The following ARHGAP10 variants were observed in gnomAD, a reference collection of about 807,000 sequenced individuals.
ARHGAP10 encodes rho GTPase-activating protein 10.
Under a neutral mutation model 108.6 loss-of-function variants are expected in ARHGAP10, and 87 were observed. The observed-to-expected ratio is 0.80, with a 90% confidence interval of 0.67 to 0.96. The LOEUF (loss-of-function observed/expected upper bound fraction) is 0.96. Among genes scored for constraint, ARHGAP10 ranks in the 40% least tolerant of loss-of-function variants. The pLI is 0.00. For missense variants in ARHGAP10, 939 were observed against 954.5 expected, an observed-to-expected ratio of 0.98 and a Z score of 0.21; for synonymous variants, 347 against 341.1, an observed-to-expected ratio of 1.02 and a Z score of -0.19.
intron 1 of ARHGAP10, among the ~76,000 whole-genome samples, chr4:147,766,617 T>C (rs568443994): frequency 2.9e-5 from 4 of 138,618 alleles, no homozygotes; most frequent in South Asian, 5.4e-4. Flanking sequence ...TATGTGTATG[T>C]ATACACATAT....
At chr4:148,009,357 CCTGACCTCAAGTGAT>C (rs1196627806) in intron 18 of ARHGAP10, among the ~76,000 whole-genome samples, 7 of 152,160 alleles carry the variant, frequency 4.6e-5, no homozygotes, top group Admixed American at 2.0e-4. Flanking sequence ...GTCTCCAACT[CCTGACCTCAAGTGAT>C]CTGCCCACCT....
intron 19 of ARHGAP10, among the ~76,000 whole-genome samples, chr4:148,039,368 A>ATTTTTTTTTTTTTTTTTTTTTTTTTTT (rs34876546): frequency 1.4e-4 from 10 of 73,090 alleles, no homozygotes; most frequent in East Asian, 4.4e-4. Context: ...TACTACTTCA[A>ATTTTTTTTTTTTTTTTTTTTTTTTTTT]TTTTTTTTTT....
In ARHGAP10 at chr4:147,864,982, G is replaced by A. The variant is rs757987448; in HGVS notation, c.597+26G>A. On this transcript the variant is annotated intron_variant, in intron 6 of 22. Transcript: ENST00000336498. ...GTGAGTATTGCCAAGTTGTTTGCTG[G>A]TGGATTTTTGCAATGTAAGATAAGT... 1.9e-6 allele frequency: 3 copies of A among 1,575,464 alleles called. No individual in the cohort carries two copies. The South Asian group carries it at 3.4e-5, about 18-fold the overall frequency.
At chr4:148,019,021 A>T (rs1741459503) in intron 18 of ARHGAP10, among the ~76,000 whole-genome samples, 1 of 152,250 alleles carries the variant, frequency 6.6e-6, no homozygotes, top group South Asian at 2.1e-4. Flanking sequence ...ATTAGGAAGT[A>T]ATTTATATCC....
chr4:147,882,017 T>C, intron 10 of ARHGAP10, 85 bp downstream of exon 10: 2 of 1,235,354 alleles, frequency 1.6e-6, no homozygotes, highest in Non-Finnish European at 2.4e-6. Flanking sequence ...GCAACTGTGA[T>C]TTCTGTGGCC....
intron 20 of ARHGAP10, among the ~76,000 whole-genome samples, chr4:148,060,343 T>C (rs1729556999): frequency 7.1e-6 from 1 of 141,512 alleles, no homozygotes. Flanking sequence ...AGCTCATGTT[T>C]AGTTTTTTTT....
intron 20 of ARHGAP10, among the ~76,000 whole-genome samples, chr4:148,058,575 A>G (rs980207833): frequency 6.6e-6 from 1 of 152,170 alleles, no homozygotes; most frequent in Non-Finnish European, 1.5e-5. Context: ...GAGTTTTAAC[A>G]GTTAAGGCCC....
chr4:147,980,939 TC>T (rs2149627016), intron 18 of ARHGAP10, among the ~76,000 whole-genome samples: 1 of 152,306 alleles, frequency 6.6e-6, no homozygotes, highest in South Asian at 2.1e-4. Context: ...TCTCTCCTTT[TC>T]CTTTGTTAAT....
intron 20 of ARHGAP10, among the ~76,000 whole-genome samples, chr4:148,050,522 C>T (rs1729087674): frequency 6.6e-6 from 1 of 151,912 alleles, no homozygotes; most frequent in Non-Finnish European, 1.5e-5. Context: ...TACAGGCGCC[C>T]ACCACCACGC....
chr4:147,898,952 T>C (rs1466137014), intron 10 of ARHGAP10, among the ~76,000 whole-genome samples: 1 of 152,140 alleles, frequency 6.6e-6, no homozygotes, highest in Admixed American at 6.5e-5. Flanking sequence ...CCTTATACCT[T>C]ACACCAGATC....
rs184562421 is a variant in ARHGAP10, at chr4:147,852,785, C to T, written c.385-4768C>T. ...CCAGGCTGGAGTAGAATGGCATGATCTTGGCTCACTACAATCTCCGCCACC... is the reference window on the plus strand; with the variant it reads ...CCAGGCTGGAGTAGAATGGCATGATTTTGGCTCACTACAATCTCCGCCACC... On this transcript the variant is annotated intron_variant, in intron 4 of 22. Transcript: ENST00000336498. Among the ~76,000 whole-genome samples the T allele has an allele frequency of 1.4e-4, 18 of 131,120 alleles. No homozygotes were observed. In the East Asian group the frequency reaches 3.4e-3, roughly 25 times the overall value. The allele number at this position is 131,120 out of a possible 152,430, so 86.0% of individuals were successfully genotyped here.
At position 148,019,443 on chromosome 4, in the gene ARHGAP10, A is replaced by G. The variant is rs148875823; in HGVS notation, c.1717-3820A>G. On this transcript the variant is annotated intron_variant, in intron 18 of 22. Coordinates refer to ENST00000336498, the MANE Select transcript of ARHGAP10 (RefSeq NM_024605.4). Reference sequence around the variant, plus strand: ...TTGTGCACATGAGAAAATGAGATACACTGTGTTAAGAAATAAGTCTGGCCC... The same window carrying G: ...TTGTGCACATGAGAAAATGAGATACGCTGTGTTAAGAAATAAGTCTGGCCC... 6.5e-3 allele frequency among the ~76,000 whole-genome samples: 989 copies of G among 152,270 alleles called. 8 individuals are homozygous for G. Among genetic ancestry groups the G allele is most frequent in the Non-Finnish European group, 0.011 (723 of 68,006 alleles).
At chr4:147,909,928 G>A (rs2126915482) in intron 12 of ARHGAP10, 151 bp downstream of exon 12, 2 of 724,678 alleles carry the variant, frequency 2.8e-6, no homozygotes, top group South Asian at 2.0e-5. Context: ...TATTGCATGT[G>A]TTCTGTTTTA....
intron 3 of ARHGAP10, among the ~76,000 whole-genome samples, chr4:147,834,118 C>T (rs1291928184): frequency 6.6e-6 from 1 of 152,242 alleles, no homozygotes; most frequent in Non-Finnish European, 1.5e-5. Flanking sequence ...ACCCAGGTCT[C>T]TCTTCCTTTT....
At chr4:147,868,211 A>G (rs927331880) in intron 7 of ARHGAP10, among the ~76,000 whole-genome samples, 1 of 151,910 alleles carries the variant, frequency 6.6e-6, no homozygotes, top group African/African-American at 2.4e-5. Flanking sequence ...CAGGTAGTAG[A>G]ATATTGAGTC....
chr4:148,030,000 C>T (rs1017044140), intron 19 of ARHGAP10, among the ~76,000 whole-genome samples: 2 of 151,392 alleles, frequency 1.3e-5, no homozygotes, highest in Admixed American at 6.6e-5. Context: ...AGCATCCCCC[C>T]CCCCACCAAC....
At chr4:147,860,286 C>A (rs1212156883) in intron 5 of ARHGAP10, among the ~76,000 whole-genome samples, 1 of 152,064 alleles carries the variant, frequency 6.6e-6, no homozygotes, top group Non-Finnish European at 1.5e-5. Context: ...ACTAAAAATA[C>A]AAAAAATTAG....
At chr4:147,965,174 G>T in intron 17 of ARHGAP10, 45 bp downstream of exon 17, 1 of 1,489,380 alleles carries the variant, frequency 6.7e-7, no homozygotes. Flanking sequence ...CTTTGCTCTA[G>T]GTGCTGGGTA....
At chr4:147,888,672 G>C (rs533916746) in intron 10 of ARHGAP10, among the ~76,000 whole-genome samples, 1 of 152,154 alleles carries the variant, frequency 6.6e-6, no homozygotes, top group South Asian at 2.1e-4. Context: ...CCCTTTAATG[G>C]TTTATTTCCT....
Sources: gnomAD v4.1 joint callset for allele counts (sites outside exome capture counted in the v4.1 genomes callset) on GRCh38, gnomAD v4.1.1 for gene constraint, MANE v1.5 for transcripts, NCBI Gene and HGNC (gene_info 2026-07-23, HGNC 2026-07-21) for gene names.